The following CIMAP1B variants were observed in gnomAD, a reference collection of about 807,000 sequenced individuals.
The protein encoded by CIMAP1B is orf2 5' to PD-ECGF/TP.
the CIMAP1B span, chr22:50,531,727 G>A: frequency 3.6e-6 from 5 of 1,371,586 alleles, no homozygotes; most frequent in Non-Finnish European, 4.7e-6. Flanking sequence ...GCGCGCCGAA[G>A]GTGAAGGCGG....
the CIMAP1B span, chr22:50,530,538 C>T: frequency 1.9e-6 from 3 of 1,598,848 alleles, no homozygotes; most frequent in Non-Finnish European, 2.6e-6. Context: ...GATCCCGAAA[C>T]TCCAGCCGCG....
chr22:50,532,002 G>A, the CIMAP1B span: 1 of 1,359,418 alleles, frequency 7.4e-7, no homozygotes. Context: ...TTGGGCCCGG[G>A]GCCTCCGTAG....
At chr22:50,531,303 G>C in the CIMAP1B span, 1 of 1,604,560 alleles carries the variant, frequency 6.2e-7, no homozygotes, top group Non-Finnish European at 8.5e-7. Flanking sequence ...TGCCTGCGGG[G>C]CGGATCAAGG....
the CIMAP1B span, chr22:50,530,908 C>T: frequency 6.2e-7 from 1 of 1,609,338 alleles, no homozygotes; most frequent in Admixed American, 1.7e-5. Context: ...ACCAGGGACC[C>T]CCTGCGTCCG....
chr22:50,531,030 G>A, the CIMAP1B span: 1 of 1,610,502 alleles, frequency 6.2e-7, no homozygotes, highest in Non-Finnish European at 8.5e-7. Flanking sequence ...GCGGACCCAA[G>A]AGCGAGGGCA....
At chr22:50,531,965 C>T in the CIMAP1B span, 1 of 1,332,234 alleles carries the variant, frequency 7.5e-7, no homozygotes, top group Non-Finnish European at 9.7e-7. Flanking sequence ...CCTGCCCCTT[C>T]TACCGGTGTT....
At chr22:50,531,049 G>A in the CIMAP1B span, 7 of 1,610,010 alleles carry the variant, frequency 4.3e-6, no homozygotes, top group East Asian at 1.6e-4. Flanking sequence ...CACCGTATAG[G>A]CCGCGGGACC....
the CIMAP1B span, chr22:50,531,743 C>G: frequency 7.3e-7 from 1 of 1,369,556 alleles, no homozygotes; most frequent in African/African-American, 1.5e-5. Context: ...GGCGGGGGCG[C>G]GCGGCCGCGA....
the CIMAP1B span, chr22:50,530,629 C>G: frequency 8.3e-6 from 13 of 1,573,750 alleles, no homozygotes; most frequent in African/African-American, 1.4e-5. Flanking sequence ...CCCTGGACCC[C>G]CGGGGACTCT....
At chr22:50,531,703 C>T in the CIMAP1B span, 274 of 1,372,496 alleles carry the variant, frequency 2.0e-4, no homozygotes, top group African/African-American at 3.9e-3. Context: ...ACGTCGTCTG[C>T]TGCGTGGGGA....
At chr22:50,530,891 GCCGCGGACCAGGGACCCCCTGCGTCCGC>G in the CIMAP1B span, 1 of 1,607,976 alleles carries the variant, frequency 6.2e-7, no homozygotes, top group Non-Finnish European at 8.5e-7. Flanking sequence ...CGCCTCCACT[GCCGCGGACCAGGGACCCCCTGCGTCCGC>G]CCCGGCCCCT....
At chr22:50,532,087 G>T in the CIMAP1B span, 10 of 1,364,732 alleles carry the variant, frequency 7.3e-6, no homozygotes, top group African/African-American at 9.2e-5. Context: ...TAGCGCGGGT[G>T]GGGGGCGCTT....
the CIMAP1B span, chr22:50,531,473 A>C: frequency 1.8e-6 from 2 of 1,113,722 alleles, no homozygotes; most frequent in South Asian, 1.7e-5. Flanking sequence ...GTGTTAGGGT[A>C]TCCGAGGGGG....
the CIMAP1B span, chr22:50,531,375 G>T: frequency 5.6e-6 from 7 of 1,244,452 alleles, no homozygotes; most frequent in African/African-American, 7.6e-5. Context: ...CCTGGGACTA[G>T]TGGGGAGTCT....
chr22:50,531,609 G>T, the CIMAP1B span: 3 of 1,402,804 alleles, frequency 2.1e-6, no homozygotes, highest in Non-Finnish European at 2.8e-6. Context: ...CGGCGTGGGC[G>T]GCCGTAGATG....
chr22:50,532,163 G>T, the CIMAP1B span: 1 of 1,304,154 alleles, frequency 7.7e-7, no homozygotes, highest in Non-Finnish European at 9.8e-7. Flanking sequence ...TTCTTGGGGA[G>T]CGCACTTTCC....
chr22:50,531,612 C>G, the CIMAP1B span: 11 of 1,405,476 alleles, frequency 7.8e-6, no homozygotes, highest in South Asian at 1.6e-5. Flanking sequence ...CGTGGGCGGC[C>G]GTAGATGGAG....
the CIMAP1B span, chr22:50,531,969 C>A: frequency 7.5e-7 from 1 of 1,334,488 alleles, no homozygotes; most frequent in Non-Finnish European, 9.7e-7. Flanking sequence ...CCCCTTCTAC[C>A]GGTGTTGGGC....
chr22:50,531,457 T>C, the CIMAP1B span: 12 of 1,060,774 alleles, frequency 1.1e-5, no homozygotes, highest in Non-Finnish European at 1.6e-5. Context: ...GGGTACCGAA[T>C]ATGCGGTGTT....
Sources: allele counts gnomAD v4.1 joint callset, GRCh38; gene constraint gnomAD v4.1.1; transcripts MANE v1.5; gene names NCBI Gene and HGNC (gene_info 2026-07-23, HGNC 2026-07-21).